Variants in KCNIP4 observed in about 807,000 individuals in gnomAD.
KCNIP4 encodes potassium voltage-gated channel interacting protein 4, also known as Kv channel-interacting protein 4.
KCNIP4 carries 12 observed loss-of-function variants against 34.0 expected under a neutral mutation model. The observed-to-expected ratio is 0.35, with a 90% CI of 0.23 to 0.57. The LOEUF is 0.57. Ranked by LOEUF, KCNIP4 falls within the 20% of genes least tolerant of loss-of-function variation. The probability of loss-of-function intolerance (pLI) is 0.83; values close to 1 mark genes in which losing one functional copy is unlikely to be tolerated. For synonymous variants in KCNIP4, 124 were observed against 102.2 expected, an observed-to-expected ratio of 1.21 and a Z score of -1.29; for missense variants, 238 against 311.7, an observed-to-expected ratio of 0.76 and a Z score of 1.78.
chr4:21,606,019 T>C (rs1427165949), intron 1 of KCNIP4, among the ~76,000 whole-genome samples: 1 of 152,134 alleles, frequency 6.6e-6, no homozygotes. Flanking sequence ...GAAAAATATG[T>C]AGAAAGAATG....
intron 1 of KCNIP4, among the ~76,000 whole-genome samples, chr4:20,890,093 G>T (rs2149534985): frequency 6.6e-6 from 1 of 152,238 alleles, no homozygotes; most frequent in African/African-American, 2.4e-5. Flanking sequence ...TCCCTGAGGG[G>T]AGGATTCTGT....
chr4:20,825,238 T>G (rs866269776), intron 3 of KCNIP4, among the ~76,000 whole-genome samples: 4 of 148,812 alleles, frequency 2.7e-5, no homozygotes, highest in South Asian at 4.3e-4. Flanking sequence ...TTTTTTTTTT[T>G]TTTTTTTTTT....
intron 1 of KCNIP4, among the ~76,000 whole-genome samples, chr4:21,461,838 T>C (rs1351417655): frequency 1.3e-5 from 2 of 152,046 alleles, no homozygotes; most frequent in Non-Finnish European, 2.9e-5. Context: ...CTTGATGACC[T>C]CACTTTACCT....
intron 1 of KCNIP4, among the ~76,000 whole-genome samples, chr4:21,803,308 C>G (rs4618303): frequency 6.6e-6 from 1 of 152,080 alleles, no homozygotes. Context: ...GTCTACAACT[C>G]TCCATTCTTA....
chr4:21,007,119 C>T (rs752879332), intron 1 of KCNIP4, among the ~76,000 whole-genome samples: 25 of 152,154 alleles, frequency 1.6e-4, no homozygotes, highest in Non-Finnish European at 2.5e-4. Context: ...TAAAAAAATA[C>T]CCTTGAATAA....
rs199853579 is a variant in KCNIP4, at chr4:21,374,576, A to G, written c.62-491867T>C. ...CAGTGAGCTTCATTACAAGTTTTAA[A>G]AAATGAAGGCAACAACAGGTGAACT... is the stretch of plus-strand genomic sequence containing the variant. On this transcript the variant is annotated intron_variant, in intron 1 of 8. Transcript: ENST00000382152. Among the ~76,000 whole-genome samples, 16 of 147,692 alleles carry G rather than the reference A, an allele frequency of 1.1e-4. 1 individual carries two copies. In the East Asian group the frequency reaches 3.2e-3, roughly 29 times the overall value.
intron 1 of KCNIP4, chr4:21,844,916 G>A (rs1383393772): frequency 6.6e-6 from 1 of 150,786 alleles, no homozygotes. Flanking sequence ...GCTGAGAAAG[G>A]TTGTATAACT....
chr4:21,053,443 A>T (rs765448216), intron 1 of KCNIP4, among the ~76,000 whole-genome samples: 7 of 152,206 alleles, frequency 4.6e-5, no homozygotes, highest in African/African-American at 1.2e-4. Flanking sequence ...GACACTTTCC[A>T]ATTAAGGTCA....
intron 1 of KCNIP4, among the ~76,000 whole-genome samples, chr4:21,591,961 A>G (rs1742256495): frequency 6.6e-6 from 1 of 152,094 alleles, no homozygotes; most frequent in Admixed American, 6.6e-5. Flanking sequence ...ATTGAAAGCC[A>G]CAAATACAGT....
At chr4:20,876,199 G>A (rs1224242144) in intron 2 of KCNIP4, among the ~76,000 whole-genome samples, 1 of 152,128 alleles carries the variant, frequency 6.6e-6, no homozygotes, top group African/African-American at 2.4e-5. Context: ...AGATAATCAA[G>A]TGTTGAATGT....
intron 1 of KCNIP4, among the ~76,000 whole-genome samples, chr4:21,589,154 G>A (rs924314973): frequency 1.0e-4 from 8 of 77,894 alleles, no homozygotes; most frequent in East Asian, 3.5e-4. Flanking sequence ...AAATGGAGGT[G>A]TGTATATATA....
At chr4:21,280,347 A>C (rs6850985) in intron 1 of KCNIP4, among the ~76,000 whole-genome samples, 50,298 of 151,978 alleles carry the variant, frequency 0.33, 8,896 homozygotes, top group South Asian at 0.52. Flanking sequence ...GGTGTAAGGC[A>C]GGTAGGAATA....
chr4:21,293,899 G>T (rs1763687406), intron 1 of KCNIP4, among the ~76,000 whole-genome samples: 2 of 152,138 alleles, frequency 1.3e-5, no homozygotes, highest in Non-Finnish European at 2.9e-5. Context: ...CTCTGATCAT[G>T]ATCTAGCCCT....
chr4:20,753,250 G>A (rs1017261109), intron 4 of KCNIP4, among the ~76,000 whole-genome samples: 4 of 152,070 alleles, frequency 2.6e-5, no homozygotes, highest in African/African-American at 9.7e-5. Flanking sequence ...AGTTGGCAAT[G>A]GAATCAAGAT....
intron 1 of KCNIP4, among the ~76,000 whole-genome samples, chr4:21,408,056 G>C (rs935458769): frequency 3.9e-5 from 6 of 152,096 alleles, no homozygotes; most frequent in Non-Finnish European, 8.8e-5. Flanking sequence ...ACACACAAAG[G>C]CTCTATAGAA....
chr4:21,221,536 G>C (rs892918933), intron 1 of KCNIP4, among the ~76,000 whole-genome samples: 21 of 152,086 alleles, frequency 1.4e-4, no homozygotes, highest in African/African-American at 5.1e-4. Context: ...CAGATCTTGT[G>C]AGAACTCACT....
intron 1 of KCNIP4, among the ~76,000 whole-genome samples, chr4:21,523,126 T>C (rs1244507652): frequency 6.6e-6 from 1 of 152,150 alleles, no homozygotes; most frequent in Non-Finnish European, 1.5e-5. Context: ...TTGGTCCTCA[T>C]TGGACATCAA....
chr4:21,679,685 G>C (rs2109022143), intron 1 of KCNIP4, among the ~76,000 whole-genome samples: 1 of 152,236 alleles, frequency 6.6e-6, no homozygotes, highest in African/African-American at 2.4e-5. Context: ...ATATCTCAGA[G>C]ATATTGCAGG....
At chr4:21,453,057 C>T (rs1728643492) in intron 1 of KCNIP4, among the ~76,000 whole-genome samples, 1 of 151,960 alleles carries the variant, frequency 6.6e-6, no homozygotes, top group Non-Finnish European at 1.5e-5. Flanking sequence ...TCCTTATGGC[C>T]AGTCATTTTA....
Sources: gnomAD v4.1 joint callset for allele counts (sites outside exome capture counted in the v4.1 genomes callset) on GRCh38, gnomAD v4.1.1 for gene constraint, MANE v1.5 for transcripts, NCBI Gene and HGNC (gene_info 2026-07-23, HGNC 2026-07-21) for gene names.